Variants in LRRC4C observed in about 807,000 individuals in gnomAD.
The protein encoded by LRRC4C is leucine rich repeat containing 4C.
In LRRC4C, 5 loss-of-function variants were observed where a neutral mutation model predicts 33.6. The observed-to-expected ratio is 0.15, with a 90% confidence interval of 0.08 to 0.31. LRRC4C has a LOEUF of 0.31. Among genes scored for constraint, LRRC4C ranks in the 10% least tolerant of loss-of-function variants. LRRC4C has a pLI of 1.00. For synonymous variants in LRRC4C, 329 were observed against 302.0 expected (o/e 1.09, Z -0.93); for missense variants, 560 against 796.7 (o/e 0.70, Z 3.58).
At chr11:41,288,915 ACCTTTATTTT>A (rs966225157) in intron 1 of LRRC4C, among the ~76,000 whole-genome samples, 1 of 68,792 alleles carries the variant, frequency 1.5e-5, no homozygotes, top group African/African-American at 4.0e-5. Flanking sequence ...GTATGAATGA[ACCTTTATTTT>A]TTTTTTTTAA....
chr11:40,188,487 A>G (rs918448718), intron 5 of LRRC4C, among the ~76,000 whole-genome samples: 7 of 152,142 alleles, frequency 4.6e-5, no homozygotes, highest in African/African-American at 1.7e-4. Context: ...GTTTAAAGGT[A>G]TTTTACTGTA....
intron 1 of LRRC4C, among the ~76,000 whole-genome samples, chr11:41,114,605 T>C (rs1942021759): frequency 1.3e-5 from 2 of 152,016 alleles, no homozygotes; most frequent in Admixed American, 6.6e-5. Flanking sequence ...ATAATCTCCC[T>C]TTTTTACACA....
chr11:41,029,169 T>C (rs965982292), intron 1 of LRRC4C, among the ~76,000 whole-genome samples: 13 of 151,706 alleles, frequency 8.6e-5, no homozygotes, highest in African/African-American at 2.9e-4. Context: ...TACGATTGAA[T>C]AGATGTGCTG....
intron 3 of LRRC4C, among the ~76,000 whole-genome samples, chr11:40,519,587 T>A (rs1955721016): frequency 1.3e-5 from 2 of 152,184 alleles, no homozygotes. Context: ...AACGGAATGT[T>A]GTGGCTGATT....
chr11:40,957,934 C>T (rs1018420138), intron 1 of LRRC4C, among the ~76,000 whole-genome samples: 1 of 151,574 alleles, frequency 6.6e-6, no homozygotes, highest in Non-Finnish European at 1.5e-5. Context: ...ATGTTGAAAT[C>T]CTAATCCCCA....
chr11:40,849,492 GT>G (rs1287773773), intron 2 of LRRC4C, among the ~76,000 whole-genome samples: 1 of 152,158 alleles, frequency 6.6e-6, no homozygotes, highest in Non-Finnish European at 1.5e-5. Context: ...GGCTTGCAGG[GT>G]TTCTGCAGAG....
intron 1 of LRRC4C, among the ~76,000 whole-genome samples, chr11:41,445,071 G>A (rs1955777529): frequency 6.6e-6 from 1 of 151,838 alleles, no homozygotes; most frequent in Admixed American, 6.6e-5. Context: ...CCAAACTGCT[G>A]GGATTACAGG....
At chr11:40,413,306 G>A (rs147003030) in intron 3 of LRRC4C, among the ~76,000 whole-genome samples, 2 of 152,160 alleles carry the variant, frequency 1.3e-5, no homozygotes, top group Non-Finnish European at 2.9e-5. Context: ...GGAAAGAGGA[G>A]AGGATACAAT....
intron 3 of LRRC4C, among the ~76,000 whole-genome samples, chr11:40,433,404 T>C (rs1951014966): frequency 6.6e-6 from 1 of 152,128 alleles, no homozygotes. Context: ...TGATATAATA[T>C]ATGGGATGAG....
intron 1 of LRRC4C, among the ~76,000 whole-genome samples, chr11:41,051,698 G>A (rs535905462): frequency 6.6e-6 from 1 of 151,806 alleles, no homozygotes; most frequent in South Asian, 2.1e-4. Context: ...TTTCTCACCA[G>A]AGAGCTTTTC....
chr11:40,782,496 G>A (rs1368167469), intron 2 of LRRC4C, among the ~76,000 whole-genome samples: 7 of 151,658 alleles, frequency 4.6e-5, no homozygotes, highest in African/African-American at 9.7e-5. Flanking sequence ...GCCACAAAAG[G>A]ACTTGAATGA....
At chr11:40,334,825 C>T (rs952061325) in intron 3 of LRRC4C, among the ~76,000 whole-genome samples, 14 of 152,206 alleles carry the variant, frequency 9.2e-5, no homozygotes, top group South Asian at 4.1e-4. Flanking sequence ...CACTCCTGCG[C>T]TACCTAAAAA....
In LRRC4C at chr11:40,630,671, C is replaced by T. The variant is rs1277672705; in HGVS notation, c.-270+17471G>A. 2.0e-5 allele frequency among the ~76,000 whole-genome samples: 3 copies of T among 152,126 alleles called. No homozygotes were observed. In the East Asian group the frequency reaches 5.8e-4, roughly 29 times the overall value. ...CTTCAGAGATGCTGCATAATAACAT[C>T]TCAGTATCATTCAATTGTCAGCAGA... is the stretch of plus-strand genomic sequence containing the variant. On this transcript the variant is annotated intron_variant, in intron 3 of 6. Coordinates refer to ENST00000528697, the MANE Select transcript of LRRC4C (RefSeq NM_001258419.2).
intron 3 of LRRC4C, among the ~76,000 whole-genome samples, chr11:40,532,868 G>A (rs775490660): frequency 2.0e-5 from 3 of 152,092 alleles, no homozygotes; most frequent in Non-Finnish European, 2.9e-5. Context: ...GGCTGGAGAG[G>A]CCTCAAGAAA....
At chr11:40,699,783 A>G (rs963274411) in intron 2 of LRRC4C, among the ~76,000 whole-genome samples, 11 of 152,302 alleles carry the variant, frequency 7.2e-5, no homozygotes, top group Non-Finnish European at 1.3e-4. Context: ...TCTAGTAAGG[A>G]GCTCTAATAT....
chr11:40,876,504 T>C (rs1434695502), intron 2 of LRRC4C, among the ~76,000 whole-genome samples: 1 of 152,068 alleles, frequency 6.6e-6, no homozygotes, highest in Non-Finnish European at 1.5e-5. Context: ...TCCCCTGAAG[T>C]GGCAGATTGC....
intron 2 of LRRC4C, among the ~76,000 whole-genome samples, chr11:40,663,626 G>A (rs1943564434): frequency 6.6e-6 from 1 of 152,190 alleles, no homozygotes; most frequent in African/African-American, 2.4e-5. Flanking sequence ...CCAGTGGGGT[G>A]AGCCAAACAG....
chr11:40,641,986 A>G (rs1942148588), intron 3 of LRRC4C, among the ~76,000 whole-genome samples: 1 of 150,900 alleles, frequency 6.6e-6, no homozygotes, highest in Non-Finnish European at 1.5e-5. Context: ...CTCATTTTCA[A>G]GGACAGCCAT....
At chr11:40,840,229 A>G (rs75004989) in intron 2 of LRRC4C, among the ~76,000 whole-genome samples, 7,455 of 152,250 alleles carry the variant, frequency 0.049, 459 homozygotes, top group African/African-American at 0.14. Flanking sequence ...TATCAAAGAA[A>G]AACAGATATA....
Sources: gnomAD v4.1 joint callset for allele counts (sites outside exome capture counted in the v4.1 genomes callset) on GRCh38, gnomAD v4.1.1 for gene constraint, MANE v1.5 for transcripts, NCBI Gene and HGNC (gene_info 2026-07-23, HGNC 2026-07-21) for gene names.